ROBO2: variants seen among roughly 807,000 people sequenced by gnomAD.
ROBO2 encodes roundabout guidance receptor 2, also known as roundabout homolog 2.
ROBO2 carries 53 observed loss-of-function variants against 160.8 expected under a neutral mutation model. That is an observed-to-expected ratio of 0.33 (90% CI 0.26 to 0.41). The LOEUF (loss-of-function observed/expected upper bound fraction) is 0.41. Among genes scored for constraint, ROBO2 ranks in the 10% least tolerant of loss-of-function variants. ROBO2 has a pLI of 1.00. For missense variants in ROBO2, 1,577 were observed against 1,722.4 expected (o/e 0.92, Z 1.49); for synonymous variants, 664 against 611.7 (o/e 1.09, Z -1.26).
intron 2 of ROBO2, among the ~76,000 whole-genome samples, chr3:77,238,250 A>AT (rs2088394704): frequency 6.6e-6 from 1 of 152,134 alleles, no homozygotes; most frequent in African/African-American, 2.4e-5. Context: ...CATTTTATCA[A>AT]TTTTTTATTT....
At chr3:77,199,739 C>T (rs1262631522) in intron 2 of ROBO2, among the ~76,000 whole-genome samples, 1 of 151,014 alleles carries the variant, frequency 6.6e-6, no homozygotes, top group African/African-American at 2.4e-5. Flanking sequence ...CCTCCCACCT[C>T]AGCCTCCTGA....
chr3:76,959,703 A>T (rs571847814), intron 2 of ROBO2, among the ~76,000 whole-genome samples: 1 of 152,264 alleles, frequency 6.6e-6, no homozygotes, highest in South Asian at 2.1e-4. Context: ...CATATCCTAG[A>T]TTTAAATAAG....
intron 2 of ROBO2, among the ~76,000 whole-genome samples, chr3:76,528,525 G>A (rs980579255): frequency 1.3e-5 from 2 of 152,042 alleles, no homozygotes; most frequent in African/African-American, 4.8e-5. Flanking sequence ...GGAATTAGTT[G>A]ACAACTGAGT....
chr3:75,960,109 C>A (rs1436389354), intron 2 of ROBO2, among the ~76,000 whole-genome samples: 1 of 151,594 alleles, frequency 6.6e-6, no homozygotes, highest in East Asian at 2.0e-4. Context: ...TTGTAGAGGG[C>A]CAGGGGCTGG....
chr3:77,440,756 G>A (rs62249852), intron 2 of ROBO2, among the ~76,000 whole-genome samples: 12,085 of 152,106 alleles, frequency 0.079, 561 homozygotes, highest in African/African-American at 0.11. Flanking sequence ...AGTCTCAGCC[G>A]AGTGTAAAAT....
intron 6 of ROBO2, among the ~76,000 whole-genome samples, chr3:77,530,759 T>C (rs975158923): frequency 2.6e-5 from 4 of 152,034 alleles, no homozygotes; most frequent in African/African-American, 4.8e-5. Context: ...CGTTTTACTA[T>C]TCCAAAGGCA....
At chr3:76,930,622 G>T (rs962862468) in intron 2 of ROBO2, among the ~76,000 whole-genome samples, 2 of 152,150 alleles carry the variant, frequency 1.3e-5, no homozygotes, top group Non-Finnish European at 2.9e-5. Flanking sequence ...GATCAAGGAG[G>T]CTAAGTAACC....
chr3:77,553,302 TCTGGTTTCTTTACCCA>T (rs1251735679), intron 8 of ROBO2, among the ~76,000 whole-genome samples: 1 of 151,924 alleles, frequency 6.6e-6, no homozygotes, highest in East Asian at 1.9e-4. Context: ...ATGTGTGTGC[TCTGGTTTCTTTACCCA>T]CTGGTTTCTT....
chr3:76,295,564 C>T (rs942602837), intron 2 of ROBO2, among the ~76,000 whole-genome samples: 1 of 152,058 alleles, frequency 6.6e-6, no homozygotes, highest in African/African-American at 2.4e-5. Context: ...CTTTATGGCT[C>T]GACCTATAAC....
At chr3:77,052,427 C>A (rs562502942) in intron 1 of ROBO2, among the ~76,000 whole-genome samples, 1 of 152,236 alleles carries the variant, frequency 6.6e-6, no homozygotes, top group South Asian at 2.1e-4. Flanking sequence ...ATGCCCTACT[C>A]AGTGAATAGC....
intron 2 of ROBO2, among the ~76,000 whole-genome samples, chr3:77,211,401 C>A (rs1198062429): frequency 6.6e-6 from 1 of 152,138 alleles, no homozygotes; most frequent in African/African-American, 2.4e-5. Context: ...TGAGAAGTGT[C>A]TCTTCATATC....
chr3:76,729,272 C>A (rs1477472575), intron 2 of ROBO2, among the ~76,000 whole-genome samples: 5 of 151,012 alleles, frequency 3.3e-5, no homozygotes, highest in African/African-American at 1.2e-4. Flanking sequence ...AAACAATTAC[C>A]AAGGTTTTCT....
At chr3:76,574,271 A>C (rs2085148324) in intron 2 of ROBO2, among the ~76,000 whole-genome samples, 2 of 152,238 alleles carry the variant, frequency 1.3e-5, no homozygotes, top group South Asian at 4.1e-4. Flanking sequence ...TAAAATATAG[A>C]AAATAGAAAA....
exon 11 of ROBO2, chr3:77,563,304 A>G: frequency 6.2e-7 from 1 of 1,613,516 alleles, no homozygotes; most frequent in Non-Finnish European, 8.5e-7. Flanking sequence ...CCTTCCAGCA[A>G]GTGCATATAT....
chr3:76,619,963 A>T (rs977964456), intron 2 of ROBO2, among the ~76,000 whole-genome samples: 7 of 152,274 alleles, frequency 4.6e-5, no homozygotes, highest in Non-Finnish European at 8.8e-5. Flanking sequence ...AAATAATTAT[A>T]ATAATTAACA....
intron 2 of ROBO2, among the ~76,000 whole-genome samples, chr3:76,577,900 T>C (rs1003769399): frequency 2.6e-5 from 4 of 152,178 alleles, no homozygotes; most frequent in African/African-American, 9.7e-5. Context: ...TGTCTAATAA[T>C]GTCCAGTCCC....
chr3:77,170,579 C>T (rs1477936931), intron 2 of ROBO2, among the ~76,000 whole-genome samples: 1 of 152,028 alleles, frequency 6.6e-6, no homozygotes, highest in African/African-American at 2.4e-5. Flanking sequence ...TGGCACACGT[C>T]ACTTTATTGG....
chr3:77,086,707 T>G (rs1197519313), intron 1 of ROBO2, among the ~76,000 whole-genome samples: 1 of 152,146 alleles, frequency 6.6e-6, no homozygotes, highest in Non-Finnish European at 1.5e-5. Context: ...AATCAGTCAT[T>G]GTGTGCATCC....
chr3:76,099,200 C>A (rs2069580978), intron 2 of ROBO2, among the ~76,000 whole-genome samples: 1 of 151,972 alleles, frequency 6.6e-6, no homozygotes, highest in African/African-American at 2.4e-5. Context: ...TTTAGCCGTT[C>A]CTTTTCTCCT....
Sources: gnomAD v4.1 joint callset for allele counts (sites outside exome capture counted in the v4.1 genomes callset) on GRCh38, gnomAD v4.1.1 for gene constraint, MANE v1.5 for transcripts, NCBI Gene and HGNC (gene_info 2026-07-23, HGNC 2026-07-21) for gene names.